LURAP1L: variants seen among roughly 807,000 people sequenced by gnomAD.
LURAP1L encodes leucine rich adaptor protein 1-like.
A neutral mutation model predicts 13.8 loss-of-function variants in LURAP1L; 12 were observed. The ratio of observed to expected loss-of-function variants is 0.87; its 90% CI spans 0.56 to 1.41. LURAP1L has a LOEUF of 1.41. Among genes scored for constraint, LURAP1L ranks in the 40% most tolerant of loss-of-function variants. The pLI is 0.00. For synonymous variants in LURAP1L, 139 were observed against 119.2 expected, an observed-to-expected ratio of 1.17 and a Z score of -1.08; for missense variants, 375 against 292.9, an observed-to-expected ratio of 1.28 and a Z score of -2.04.
At chr9:12,791,592 A>G (rs1478219379) in intron 1 of LURAP1L, among the ~76,000 whole-genome samples, 1 of 151,718 alleles carries the variant, frequency 6.6e-6, no homozygotes, top group Non-Finnish European at 1.5e-5. Context: ...CCTTATCCAC[A>G]TTCCCCCAGA....
At chr9:12,811,472 A>G (rs1250798135) in intron 1 of LURAP1L, among the ~76,000 whole-genome samples, 1 of 152,220 alleles carries the variant, frequency 6.6e-6, no homozygotes, top group African/African-American at 2.4e-5. Context: ...TAGGGGAAAG[A>G]AAAGCTGTCC....
At chr9:12,793,967 T>C (rs867201316) in intron 1 of LURAP1L, among the ~76,000 whole-genome samples, 1 of 152,104 alleles carries the variant, frequency 6.6e-6, no homozygotes, top group African/African-American at 2.4e-5. Flanking sequence ...TTTTAAATAA[T>C]TATAGCACAA....
At chr9:12,786,925 A>G (rs1325082542) in intron 1 of LURAP1L, among the ~76,000 whole-genome samples, 1 of 152,032 alleles carries the variant, frequency 6.6e-6, no homozygotes, top group Non-Finnish European at 1.5e-5. Flanking sequence ...TGGACCCATC[A>G]TTTCATTTGG....
intron 1 of LURAP1L, among the ~76,000 whole-genome samples, chr9:12,811,628 C>A (rs79774862): frequency 0.038 from 5,755 of 152,278 alleles, 139 homozygotes; most frequent in African/African-American, 0.05. Context: ...TATCATGCCA[C>A]AGACAGTGAT....
chr9:12,811,776 A>G (rs1819739155), intron 1 of LURAP1L, among the ~76,000 whole-genome samples: 1 of 152,200 alleles, frequency 6.6e-6, no homozygotes, highest in Non-Finnish European at 1.5e-5. Context: ...ACAACTTAAA[A>G]CAGCAAACAT....
At chr9:12,787,900 T>C (rs1237937927) in intron 1 of LURAP1L, among the ~76,000 whole-genome samples, 1 of 151,898 alleles carries the variant, frequency 6.6e-6, no homozygotes, top group African/African-American at 2.4e-5. Context: ...TCACTAGAAG[T>C]CAGGAATTCA....
intron 1 of LURAP1L, among the ~76,000 whole-genome samples, chr9:12,818,012 G>A (rs1819826436): frequency 6.6e-6 from 1 of 151,836 alleles, no homozygotes; most frequent in Non-Finnish European, 1.5e-5. Flanking sequence ...AGGACACAGG[G>A]TTAGACATAG....
chr9:12,775,496 T>G lies in LURAP1L; in HGVS notation c.-220T>G. On this transcript the variant is annotated 5_prime_UTR_variant, in exon 1 of 2. Transcript: ENST00000319264. ...CTTGATCATCTTAGTGTCGGAGGAGTCGCAGCGGACTGGGAACTGCAGCTG... is the reference window on the plus strand; with the variant it reads ...CTTGATCATCTTAGTGTCGGAGGAGGCGCAGCGGACTGGGAACTGCAGCTG... The G allele has an allele frequency of 3.6e-6, 2 of 554,318 alleles. No individual in the cohort carries two copies. Among genetic ancestry groups the G allele is most frequent in the East Asian group, 3.4e-5 (1 of 29,084 alleles). 34.3% of individuals were successfully genotyped at this position (554,318 alleles called of 1,614,324 possible). A position where few individuals can be genotyped will look rare whatever the true frequency, so the allele number is the denominator to read the frequency against.
intron 1 of LURAP1L, among the ~76,000 whole-genome samples, chr9:12,800,149 T>C (rs1442242248): frequency 6.6e-6 from 1 of 152,152 alleles, no homozygotes; most frequent in Non-Finnish European, 1.5e-5. Context: ...CCAACAGAGC[T>C]GCAACTTTGT....
intron 1 of LURAP1L, among the ~76,000 whole-genome samples, chr9:12,820,318 C>T (rs1314128969): frequency 1.3e-5 from 2 of 152,038 alleles, no homozygotes; most frequent in South Asian, 2.1e-4. Context: ...TCCTGGCCAA[C>T]ATGGTGAAAC....
chr9:12,791,101 C>T (rs1819434846), intron 1 of LURAP1L, among the ~76,000 whole-genome samples: 2 of 152,044 alleles, frequency 1.3e-5, no homozygotes, highest in Admixed American at 6.6e-5. Flanking sequence ...GTGTCTGAAG[C>T]AGTTGCTAGC....
chr9:12,786,547 C>CTATATATATAT (rs1554657226), intron 1 of LURAP1L, among the ~76,000 whole-genome samples: 1,000 of 52,982 alleles, frequency 0.019, 27 homozygotes, highest in Admixed American at 0.049. Context: ...ATATATATGA[C>CTATATATATAT]ATATATATAT....
intron 1 of LURAP1L, among the ~76,000 whole-genome samples, chr9:12,801,052 T>C (rs2118512884): frequency 6.6e-6 from 1 of 152,300 alleles, no homozygotes; most frequent in Admixed American, 6.5e-5. Flanking sequence ...TTATGATACC[T>C]AGGTATAAAA....
At chr9:12,810,179 C>T (rs1052252006) in intron 1 of LURAP1L, among the ~76,000 whole-genome samples, 1 of 152,110 alleles carries the variant, frequency 6.6e-6, no homozygotes, top group South Asian at 2.1e-4. Context: ...ATATTGAGAA[C>T]CTGGTAGGTT....
intron 1 of LURAP1L, among the ~76,000 whole-genome samples, chr9:12,788,495 C>A (rs865961339): frequency 6.6e-6 from 1 of 151,900 alleles, no homozygotes; most frequent in Admixed American, 6.6e-5. Flanking sequence ...AATAATAAAT[C>A]GGTACAAAAA....
chr9:12,821,728 A>G lies in LURAP1L; in HGVS notation c.655A>G (p.Lys219Glu). 1.2e-6 allele frequency: 2 copies of G among 1,614,034 alleles called. No homozygotes were observed. The highest frequency in any genetic ancestry group is 1.7e-6 in the Non-Finnish European group (2 of 1,179,912). The stretch of plus-strand genomic sequence containing the variant: ...CTCACAGGCACTACACAAGCGTCCT[A>G]AATTGGATTCTGAATACTACTGCTT... ...EDSQALHKRP[K>E]LDSEYYCFG is the part of the protein sequence containing the mutation. The change falls in exon 2 of 2, where the codon AAA becomes GAA. Residue 219 changes from lysine (K) to glutamate (E), a missense_variant. By Grantham distance (56) the Lys-to-Glu change is moderately conservative. Transcript: ENST00000319264.
intron 1 of LURAP1L, among the ~76,000 whole-genome samples, chr9:12,806,698 G>C (rs1282468437): frequency 6.6e-6 from 1 of 151,946 alleles, no homozygotes; most frequent in Non-Finnish European, 1.5e-5. Flanking sequence ...TTTGGTAAAA[G>C]TGGATTATAC....
At chr9:12,799,676 C>T (rs960530050) in intron 1 of LURAP1L, among the ~76,000 whole-genome samples, 2 of 152,002 alleles carry the variant, frequency 1.3e-5, no homozygotes, top group East Asian at 1.9e-4. Flanking sequence ...GTCAGGAGAT[C>T]GAGACCACTG....
intron 1 of LURAP1L, among the ~76,000 whole-genome samples, chr9:12,788,597 A>T (rs1819396006): frequency 6.6e-6 from 1 of 152,092 alleles, no homozygotes. Flanking sequence ...ATTTATGTGA[A>T]TATGATAGAA....
Sources: gnomAD v4.1 joint callset for allele counts (sites outside exome capture counted in the v4.1 genomes callset) on GRCh38, gnomAD v4.1.1 for gene constraint, MANE v1.5 for transcripts, NCBI Gene and HGNC (gene_info 2026-07-23, HGNC 2026-07-21) for gene names.